The following RASGEF1B variants were observed in gnomAD, a reference collection of about 807,000 sequenced individuals.
The protein encoded by RASGEF1B is ras-GEF domain-containing family member 1B.
RASGEF1B carries 30 observed loss-of-function variants against 65.7 expected under a neutral mutation model. That is an observed-to-expected ratio of 0.46 (90% CI 0.34 to 0.62). The LOEUF (loss-of-function observed/expected upper bound fraction) is 0.62, where lower values mean the gene tolerates loss of function less well. RASGEF1B is among the 20% of genes least tolerant of loss of function. RASGEF1B has a pLI of 0.01. For synonymous variants in RASGEF1B, 175 were observed against 194.8 expected (o/e 0.90, Z 0.85); for missense variants, 495 against 580.1 (o/e 0.85, Z 1.51).
At chr4:81,456,155 C>T (rs1722433711) in intron 4 of RASGEF1B, 1 of 277,058 alleles carries the variant, frequency 3.6e-6, no homozygotes, top group African/African-American at 2.2e-5. Context: ...GTCCTGTCCT[C>T]CTCTACTCAT....
chr4:81,446,705 A>T (rs1429400830), intron 6 of RASGEF1B, among the ~76,000 whole-genome samples: 1 of 152,160 alleles, frequency 6.6e-6, no homozygotes, highest in African/African-American at 2.4e-5. Flanking sequence ...AAAAAAGTTA[A>T]TCTCATCTTG....
intron 4 of RASGEF1B, chr4:81,455,161 G>A (rs913026193): frequency 6.6e-6 from 1 of 152,198 alleles, no homozygotes; most frequent in Non-Finnish European, 1.5e-5. Context: ...TTGCGGCTGG[G>A]TGCAGTGACT....
At chr4:81,466,777 A>AGAAAGAAAGAAAGAAG (rs1491483751) in intron 1 of RASGEF1B, among the ~76,000 whole-genome samples, 26 of 136,202 alleles carry the variant, frequency 1.9e-4, no homozygotes, top group Middle Eastern at 3.7e-3. Context: ...AAAAAAAGAA[A>AGAAAGAAAGAAAGAAG]GAAAGAAAGA....
intron 4 of RASGEF1B, among the ~76,000 whole-genome samples, chr4:81,449,103 C>T (rs865865065): frequency 1.3e-5 from 2 of 152,178 alleles, no homozygotes; most frequent in Non-Finnish European, 1.5e-5. Flanking sequence ...TAAGCCACCG[C>T]GTCTGGCCTA....
At chr4:81,457,963 T>C (rs6535250) in intron 2 of RASGEF1B, among the ~76,000 whole-genome samples, 36,320 of 152,084 alleles carry the variant, frequency 0.24, 6,372 homozygotes, top group African/African-American at 0.49. Flanking sequence ...GAGAGATAAA[T>C]CTTACTTGAA....
chr4:81,445,649 G>A (rs781611317), intron 7 of RASGEF1B, 21 bp from the exon 8 acceptor site: 2 of 1,596,292 alleles, frequency 1.3e-6, no homozygotes, highest in Non-Finnish European at 1.7e-6. Context: ...AAAGACAATA[G>A]AGGGCAGTTA....
chr4:81,433,868 C>T lies in RASGEF1B; in HGVS notation c.1296G>A (p.Leu432=), dbSNP rs1351923842. ...FERDRKILQY[L]LTVPVFSEDA... is the part of the protein sequence containing the mutation. ...CTTCACTGAAGACTGGTACTGTGAG[C>T]AGATACTGCAAGATCTTCCGGTCCC... Residue 432 remains leucine (L), a synonymous_variant, in exon 12 of 14, where the codon CTG becomes CTA. Transcript: ENST00000264400. The T allele has an allele frequency of 6.2e-7, 1 of 1,613,882 alleles. No homozygotes were observed. The highest frequency in any genetic ancestry group is 1.3e-5 in the African/African-American group (1 of 74,886).
chr4:81,435,268 A>G lies in RASGEF1B; in HGVS notation c.1105-534T>C, dbSNP rs796358982. Among the ~76,000 whole-genome samples, 94 of 149,824 alleles carry G rather than the reference A, an allele frequency of 6.3e-4. 1 individual carries two copies. The highest frequency in any genetic ancestry group is 1.1e-3 in the African/African-American group (45 of 40,326). On this transcript the variant is annotated intron_variant, in intron 10 of 13. Transcript: ENST00000264400. Reference sequence around the variant, plus strand: ...CTACTAAAAATACAAAAAATTAGCCAGGTGTGGTGGCGGGCGCCTGTAGTC... The same window carrying G: ...CTACTAAAAATACAAAAAATTAGCCGGGTGTGGTGGCGGGCGCCTGTAGTC...
intron 13 of RASGEF1B, among the ~76,000 whole-genome samples, chr4:81,430,083 C>T (rs921040476): frequency 5.9e-5 from 9 of 152,144 alleles, no homozygotes; most frequent in East Asian, 1.9e-4. Flanking sequence ...GGGCGGATCA[C>T]GAGGTCAGGA....
intron 4 of RASGEF1B, among the ~76,000 whole-genome samples, chr4:81,450,040 A>T (rs1388174374): frequency 6.6e-6 from 1 of 152,208 alleles, no homozygotes; most frequent in African/African-American, 2.4e-5. Flanking sequence ...ACAGACAAAA[A>T]TCCCACCTTC....
At chr4:81,457,162 A>C (rs1405137310) in intron 3 of RASGEF1B, among the ~76,000 whole-genome samples, 2 of 152,106 alleles carry the variant, frequency 1.3e-5, no homozygotes, top group Admixed American at 1.3e-4. Flanking sequence ...GATTACAGGC[A>C]TGCGCCACCA....
rs1165451004 is a variant in RASGEF1B, at chr4:81,427,736, A to T, written c.*32T>A. On this transcript the variant is annotated 3_prime_UTR_variant, in exon 14 of 14. Coordinates refer to ENST00000264400, the MANE Select transcript of RASGEF1B (RefSeq NM_152545.3). ...AGCCCCTCCATGATCTGCAGGAAGC[A>T]GCAGCAGCAGCAGGCAGGCAGCTCC... 6.2e-7 allele frequency: 1 copy of T among 1,613,032 alleles called. No individual in the cohort carries two copies. The highest frequency in any genetic ancestry group is 8.5e-7 in the Non-Finnish European group (1 of 1,179,718).
chr4:81,467,625 G>A (rs1446231653), intron 1 of RASGEF1B, among the ~76,000 whole-genome samples: 2 of 152,176 alleles, frequency 1.3e-5, no homozygotes, highest in African/African-American at 4.8e-5. Flanking sequence ...CTTTGTAGCA[G>A]TAACAGTGCT....
intron 13 of RASGEF1B, among the ~76,000 whole-genome samples, chr4:81,428,499 T>C (rs972414381): frequency 1.3e-5 from 2 of 152,250 alleles, no homozygotes; most frequent in Admixed American, 6.5e-5. Flanking sequence ...AGTAATATGG[T>C]ATAACAACTA....
chr4:81,453,620 T>A (rs371007262), intron 4 of RASGEF1B: 1 of 151,802 alleles, frequency 6.6e-6, no homozygotes, highest in East Asian at 1.9e-4. Flanking sequence ...CATCACAGAG[T>A]GCTAAGAATG....
At chr4:81,462,857 A>C (rs1457459304) in intron 1 of RASGEF1B, among the ~76,000 whole-genome samples, 9 of 152,122 alleles carry the variant, frequency 5.9e-5, no homozygotes. Context: ...ACTGACTACA[A>C]ATGCCTTCCT....
At position 81,448,137 on chromosome 4, in the gene RASGEF1B, G is replaced by T; in HGVS notation, c.586C>A (p.Gln196Lys). The T allele has an allele frequency of 6.2e-7, 1 of 1,614,172 alleles. No homozygotes were observed. The change falls in exon 5 of 14, where the codon CAA becomes AAA. Residue 196 changes from glutamine to lysine, a missense_variant. By Grantham distance (53) the Gln-to-Lys change is moderately conservative. Transcript: ENST00000264400. ...TTGCAGACAGTAATGATATCCCTTT[G>T]TATAGACTGTGGCTTGGTCTTGAGA... Reference protein sequence around the residue: ...TVLKTKPQSIQRDIITVCNDP... With the variant: ...TVLKTKPQSIKRDIITVCNDP...
chr4:81,455,620 G>A (rs1722417306), intron 4 of RASGEF1B: 1 of 152,184 alleles, frequency 6.6e-6, no homozygotes, highest in South Asian at 2.1e-4. Flanking sequence ...GTTCCCAGAA[G>A]TTGACCTGCA....
chr4:81,442,200 C>T, intron 9 of RASGEF1B, 97 bp downstream of exon 9: 1 of 804,436 alleles, frequency 1.2e-6, no homozygotes. Flanking sequence ...GGGCTTTTTC[C>T]TCTGTCGTAG....
Sources: gnomAD v4.1 joint callset for allele counts (sites outside exome capture counted in the v4.1 genomes callset) on GRCh38, gnomAD v4.1.1 for gene constraint, MANE v1.5 for transcripts, NCBI Gene and HGNC (gene_info 2026-07-23, HGNC 2026-07-21) for gene names.